The following EIF4G3 variants were observed in gnomAD, a reference collection of about 807,000 sequenced individuals.
The protein encoded by EIF4G3 is eIF-4-gamma 3.
Under a neutral mutation model 186.4 loss-of-function variants are expected in EIF4G3, and 34 were observed. The observed-to-expected ratio is 0.18, with a 90% CI of 0.14 to 0.24. The LOEUF is 0.24. EIF4G3 is among the 10% of genes least tolerant of loss of function. EIF4G3 has a pLI of 1.00. For synonymous variants in EIF4G3, 673 were observed against 679.5 expected, an observed-to-expected ratio of 0.99 and a Z score of 0.15; for missense variants, 1,536 against 1,948.5, an observed-to-expected ratio of 0.79 and a Z score of 3.99.
chr1:20,841,025 C>T lies in EIF4G3; in HGVS notation c.3892G>A (p.Ala1298Thr), dbSNP rs1289197246. ...EFLHINDFKE[A>T]MQCVEELNAQ... ...TTCAGCTCTTCCACACACTGCATGGCTTCCTGTTCCAACAGCAAAGAAAGG... is the reference window on the plus strand; with the variant it reads ...TTCAGCTCTTCCACACACTGCATGGTTTCCTGTTCCAACAGCAAAGAAAGG... The change falls in exon 30 of 37, where the codon GCC (alanine) becomes ACC (threonine). Residue 1298 changes from alanine (A) to threonine (T), a missense_variant. Coordinates refer to ENST00000602326, the MANE Select transcript of EIF4G3 (RefSeq NM_001391906.1). The T allele has an allele frequency of 3.1e-6, 5 of 1,613,626 alleles. No individual in the cohort carries two copies. The African/African-American group carries it at 6.7e-5, about 22-fold the overall frequency.
chr1:21,122,931 T>C (rs1248519335), intron 2 of EIF4G3, among the ~76,000 whole-genome samples: 1 of 152,094 alleles, frequency 6.6e-6, no homozygotes, highest in Non-Finnish European at 1.5e-5. Context: ...GTTAAAATAA[T>C]GTATTAGGGC....
chr1:20,980,947 G>A (rs1166038148), intron 9 of EIF4G3, 101 bp downstream of exon 9: 31 of 998,630 alleles, frequency 3.1e-5, no homozygotes, highest in South Asian at 2.2e-4. Context: ...ACACGTCACC[G>A]AAAACTAATA....
intron 2 of EIF4G3, among the ~76,000 whole-genome samples, chr1:21,125,324 A>G (rs935440198): frequency 3.3e-5 from 5 of 152,224 alleles, no homozygotes; most frequent in Admixed American, 3.3e-4. Flanking sequence ...TTTAAACTCT[A>G]TTTAAACATT....
chr1:20,882,369 C>T (rs2082654233), intron 19 of EIF4G3, among the ~76,000 whole-genome samples: 1 of 152,240 alleles, frequency 6.6e-6, no homozygotes, highest in South Asian at 2.1e-4. Flanking sequence ...CCTGTAATCC[C>T]AGCACTTTGG....
intron 8 of EIF4G3, among the ~76,000 whole-genome samples, chr1:20,981,596 T>C (rs967213619): frequency 9.6e-5 from 13 of 135,086 alleles, no homozygotes; most frequent in African/African-American, 3.4e-4. Context: ...TATACATACA[T>C]GTATACGCAC....
chr1:20,872,979 C>T (rs1309164181), intron 20 of EIF4G3, among the ~76,000 whole-genome samples: 1 of 152,148 alleles, frequency 6.6e-6, no homozygotes, highest in Non-Finnish European at 1.5e-5. Flanking sequence ...TCAGGTAATC[C>T]GCCTGCCCTG....
chr1:20,934,943 AG>A, intron 14 of EIF4G3, among the ~76,000 whole-genome samples: 1 of 152,238 alleles, frequency 6.6e-6, no homozygotes, highest in Non-Finnish European at 1.5e-5. Flanking sequence ...TTATTTTTAC[AG>A]CACTTAAAAC....
intron 28 of EIF4G3, among the ~76,000 whole-genome samples, chr1:20,851,037 C>T (rs1047471320): frequency 3.9e-5 from 6 of 152,132 alleles, no homozygotes; most frequent in African/African-American, 1.4e-4. Flanking sequence ...CTCACCATAA[C>T]ATTTAATAGA....
At chr1:21,063,720 T>TGGGGGGG (rs148563014) in intron 3 of EIF4G3, among the ~76,000 whole-genome samples, 1 of 54,852 alleles carries the variant, frequency 1.8e-5, no homozygotes, top group Admixed American at 2.0e-4. Flanking sequence ...GGGGGGGTGT[T>TGGGGGGG]GGGGGGGGGG....
intron 2 of EIF4G3, among the ~76,000 whole-genome samples, chr1:21,128,874 A>T (rs892907047): frequency 2.0e-5 from 3 of 152,218 alleles, no homozygotes; most frequent in Non-Finnish European, 2.9e-5. Context: ...GCTGCAGAGA[A>T]TATCACACTC....
intron 2 of EIF4G3, among the ~76,000 whole-genome samples, chr1:21,127,818 T>C (rs1298781839): frequency 6.6e-6 from 1 of 152,206 alleles, no homozygotes; most frequent in Non-Finnish European, 1.5e-5. Flanking sequence ...TAAAGATAGA[T>C]GTCTTATAAA....
At chr1:21,082,500 C>T (rs919301170) in intron 3 of EIF4G3, among the ~76,000 whole-genome samples, 1 of 152,014 alleles carries the variant, frequency 6.6e-6, no homozygotes, top group Non-Finnish European at 1.5e-5. Flanking sequence ...GCAGAAGAAT[C>T]ACTTGAACCC....
chr1:20,868,511 C>A (rs535216975), intron 20 of EIF4G3, among the ~76,000 whole-genome samples: 1 of 152,208 alleles, frequency 6.6e-6, no homozygotes, highest in South Asian at 2.1e-4. Flanking sequence ...TACTGCCCCC[C>A]ACCCACCTCC....
chr1:21,132,718 G>A (rs1270435734), intron 2 of EIF4G3, among the ~76,000 whole-genome samples: 1 of 151,922 alleles, frequency 6.6e-6, no homozygotes, highest in Non-Finnish European at 1.5e-5. Context: ...AGAAGCACAG[G>A]CATGAGCTAC....
At chr1:20,929,428 T>C (rs1187967649) in intron 14 of EIF4G3, 1 of 152,194 alleles carries the variant, frequency 6.6e-6, no homozygotes, top group Non-Finnish European at 1.5e-5. Flanking sequence ...CTAAGGGATT[T>C]TCCACCATCT....
intron 30 of EIF4G3, among the ~76,000 whole-genome samples, chr1:20,837,649 G>C (rs1436044828): frequency 1.3e-5 from 2 of 152,132 alleles, no homozygotes; most frequent in Non-Finnish European, 2.9e-5. Flanking sequence ...CAATACTATG[G>C]AAGGACAATA....
chr1:20,863,378 T>TAAAAAAAAAAAAAAAAAA lies in EIF4G3; in HGVS notation c.3007-1064_3007-1047dup, dbSNP rs3051243. Among the ~76,000 whole-genome samples, 280 of 102,422 alleles carry TAAAAAAAAAAAAAAAAAA rather than the reference T, an allele frequency of 2.7e-3. 7 individuals carry two copies. Among genetic ancestry groups the TAAAAAAAAAAAAAAAAAA allele is most frequent in the East Asian group, 0.016 (61 of 3,876 alleles). 67.2% of individuals were successfully genotyped at this position (102,422 alleles called of 152,430 possible). Reference sequence around the variant, plus strand: ...TGAGACCCATCATCTCTACAAAAAGTAAAAAAAAAAAAAAAAAAAAAAAAT... The same window carrying TAAAAAAAAAAAAAAAAAA: ...TGAGACCCATCATCTCTACAAAAAGTAAAAAAAAAAAAAAAAAAAAAAAAAAAAAAAAAAAAAAAAAAT... On this transcript the variant is annotated intron_variant, in intron 22 of 36. Transcript: ENST00000602326.
At chr1:20,988,184 G>A (rs954156521) in intron 7 of EIF4G3, 1 of 163,424 alleles carries the variant, frequency 6.1e-6, no homozygotes, top group Admixed American at 6.5e-5. Flanking sequence ...GAAAGCAGCT[G>A]TCTCCATAAC....
intron 18 of EIF4G3, among the ~76,000 whole-genome samples, chr1:20,888,831 T>C (rs2085048353): frequency 6.6e-6 from 1 of 152,178 alleles, no homozygotes; most frequent in Admixed American, 6.5e-5. Flanking sequence ...AAAATCTTAA[T>C]ACAGATAATC....
Sources: allele counts gnomAD v4.1 joint callset (sites outside exome capture counted in the v4.1 genomes callset), GRCh38; gene constraint gnomAD v4.1.1; transcripts MANE v1.5; gene names NCBI Gene and HGNC (gene_info 2026-07-23, HGNC 2026-07-21).